The following PCBP3 variants were observed in gnomAD, a reference collection of about 807,000 sequenced individuals.
PCBP3 encodes poly(rC) binding protein 3, also known as poly(rC)-binding protein 3.
PCBP3 carries 25 observed loss-of-function variants against 52.7 expected under a neutral mutation model. That is an observed-to-expected ratio of 0.47 (90% CI 0.35 to 0.66). PCBP3 has a LOEUF of 0.66. Ranked by LOEUF, PCBP3 falls within the 30% of genes least tolerant of loss-of-function variation. PCBP3 has a pLI of 0.01. For synonymous variants in PCBP3, 162 were observed against 183.0 expected (o/e 0.89, Z 0.93); for missense variants, 391 against 490.3 (o/e 0.80, Z 1.91).
At chr21:45,695,301 G>A (rs917645426) in intron 2 of PCBP3, among the ~76,000 whole-genome samples, 1 of 152,186 alleles carries the variant, frequency 6.6e-6, no homozygotes, top group East Asian at 1.9e-4. Flanking sequence ...GGAGGGACAC[G>A]GGTAGAGGAA....
intron 4 of PCBP3, among the ~76,000 whole-genome samples, chr21:45,815,009 G>T: frequency 7.8e-6 from 1 of 128,778 alleles, no homozygotes. Context: ...AGTGAGTGGT[G>T]AGTGATGAGT....
intron 4 of PCBP3, among the ~76,000 whole-genome samples, chr21:45,784,936 G>A (rs2090989950): frequency 1.3e-5 from 2 of 151,954 alleles, no homozygotes; most frequent in South Asian, 4.2e-4. Flanking sequence ...TCTGGGATGT[G>A]AGGAGCCCCT....
rs7281436 is a variant in PCBP3, at chr21:45,827,526, C to T, written c.-125-22435C>T. Among the ~76,000 whole-genome samples, 404 of 145,428 alleles carry T rather than the reference C, an allele frequency of 2.8e-3. 3 individuals are homozygous for T. The highest frequency in any genetic ancestry group is 9.2e-3 in the African/African-American group (363 of 39,252). ...ACATCATAAAGATGCTTCAGTGAGCCGTCACCAGCTCTACACAGTGAGGAA... is the reference window on the plus strand; with the variant it reads ...ACATCATAAAGATGCTTCAGTGAGCTGTCACCAGCTCTACACAGTGAGGAA... On this transcript the variant is annotated intron_variant, in intron 4 of 17. Transcript: ENST00000681687. The surrounding 1 kb of genome is among the most constrained non-coding windows in gnomAD (Gnocchi z 4.3).
intron 1 of PCBP3, among the ~76,000 whole-genome samples, chr21:45,644,881 G>C (rs2079154681): frequency 6.6e-6 from 1 of 152,116 alleles, no homozygotes. Context: ...CACTTTCAGG[G>C]GCAAACTGTT....
In PCBP3 at chr21:45,940,115, C is replaced by A. The variant is rs781452050; in HGVS notation, c.995C>A (p.Ala332Asp). The change falls in exon 17 of 18, where the codon GCC (alanine) becomes GAC (aspartate). Residue 332 changes from alanine to aspartate, a missense_variant. By Grantham distance (126) the Ala-to-Asp change is moderately radical. Transcript: ENST00000681687. ...GGAGCTCAGATCAAAATCGCCAACGCCACGGAAGGGTCCTCAGAGCGTCAG... is the reference window on the plus strand; with the variant it reads ...GGAGCTCAGATCAAAATCGCCAACGACACGGAAGGGTCCTCAGAGCGTCAG... ...MSGAQIKIAN[A>D]TEGSSERQIT... 1 of 1,614,146 alleles carries A rather than the reference C, an allele frequency of 6.2e-7. No individual in the cohort carries two copies. The highest frequency in any genetic ancestry group is 1.7e-5 in the Admixed American group (1 of 60,024).
At chr21:45,795,497 G>T (rs887542170) in intron 4 of PCBP3, among the ~76,000 whole-genome samples, 2 of 152,076 alleles carry the variant, frequency 1.3e-5, no homozygotes, top group Non-Finnish European at 2.9e-5. Context: ...TAACCCAGGC[G>T]TCATTATATA....
At chr21:45,921,976 A>C (rs987793818) in intron 13 of PCBP3, among the ~76,000 whole-genome samples, 1 of 152,204 alleles carries the variant, frequency 6.6e-6, no homozygotes, top group Non-Finnish European at 1.5e-5. Context: ...GACAGGGTGA[A>C]GGACTTAGGA....
intron 5 of PCBP3, among the ~76,000 whole-genome samples, chr21:45,856,341 TAGTAACTTAACTCATTCAACCA>T (rs2094294122): frequency 6.6e-6 from 1 of 152,230 alleles, no homozygotes; most frequent in Admixed American, 6.5e-5. Context: ...GGCCTTCAGA[TAGTAACTTAACTCATTCAACCA>T]AGTACCCATC....
chr21:45,658,984 C>T (rs558788458), intron 1 of PCBP3, among the ~76,000 whole-genome samples: 2 of 150,040 alleles, frequency 1.3e-5, no homozygotes, highest in African/African-American at 4.9e-5. Flanking sequence ...CCTTTTATTT[C>T]TGTAAGGTTG....
rs2093614957 is a variant in PCBP3 at position 45,837,465 on chromosome 21, G to A, written c.-125-12496G>A. ...TGGCGCTGTGAGAACAGGCCACGGC[G>A]CCCTAGCTTCAGGTTATAGGGCATG... On this transcript the variant is annotated intron_variant, in intron 4 of 17. Transcript: ENST00000681687. This position sits in a 1 kb window ranked among gnomAD's most constrained non-coding sequence, Gnocchi z 4.1. Among the ~76,000 whole-genome samples, 1 of 152,186 alleles carries A rather than the reference G, an allele frequency of 6.6e-6. No homozygotes were observed. The highest frequency in any genetic ancestry group is 1.5e-5 in the Non-Finnish European group (1 of 68,040).
At chr21:45,838,410 A>G (rs1204171592) in intron 4 of PCBP3, among the ~76,000 whole-genome samples, 1 of 152,168 alleles carries the variant, frequency 6.6e-6, no homozygotes, top group African/African-American at 2.4e-5. Flanking sequence ...AATAATAATA[A>G]TAATAATACT....
At chr21:45,784,844 C>G (rs558348172) in intron 4 of PCBP3, among the ~76,000 whole-genome samples, 122 of 152,320 alleles carry the variant, frequency 8.0e-4, no homozygotes, top group African/African-American at 2.9e-3. Flanking sequence ...GCCTTGGCCT[C>G]CCAAAGTGCC....
intron 3 of PCBP3, among the ~76,000 whole-genome samples, chr21:45,749,002 C>G (rs1016661047): frequency 6.6e-6 from 1 of 152,190 alleles, no homozygotes; most frequent in Non-Finnish European, 1.5e-5. Context: ...ACAAAGAGGG[C>G]AAGAACCACC....
chr21:45,878,296 T>C (rs1044189370), intron 5 of PCBP3, among the ~76,000 whole-genome samples: 4 of 151,906 alleles, frequency 2.6e-5, no homozygotes, highest in African/African-American at 9.7e-5. Context: ...GGTGGGGGGG[T>C]CCTCCCGGGG....
chr21:45,708,677 A>G (rs2083616613), intron 2 of PCBP3, among the ~76,000 whole-genome samples: 1 of 152,212 alleles, frequency 6.6e-6, no homozygotes, highest in Non-Finnish European at 1.5e-5. Context: ...AGTTAATACA[A>G]TGAGGGGTTA....
rs80112254 is a variant in PCBP3, at chr21:45,784,574, C to A, written c.-126+29122C>A. On this transcript the variant is annotated intron_variant, in intron 4 of 17. Transcript: ENST00000681687. The stretch of plus-strand genomic sequence containing the variant: ...GCAACCTCCCTGCCTGATTCTCCTG[C>A]CTCAGCCTGCCGAGTGCCTGCAATT... Among the ~76,000 whole-genome samples, 5 of 152,316 alleles carry A rather than the reference C, an allele frequency of 3.3e-5. No individual in the cohort carries two copies. The East Asian group carries it at 9.7e-4, about 29-fold the overall frequency.
chr21:45,907,935 C>T (rs188042207), intron 9 of PCBP3, among the ~76,000 whole-genome samples: 13 of 152,050 alleles, frequency 8.5e-5, no homozygotes, highest in Admixed American at 5.9e-4. Context: ...TTGTTGCCGA[C>T]GTCTGCCAGG....
At chr21:45,646,107 C>CTCTCTCTCTCTCTG (rs1555895746) in intron 1 of PCBP3, among the ~76,000 whole-genome samples, 2 of 83,782 alleles carry the variant, frequency 2.4e-5, no homozygotes, top group Non-Finnish European at 2.3e-5. Flanking sequence ...CTCTCTCTCT[C>CTCTCTCTCTCTCTG]TGTGTGTGTG....
intron 9 of PCBP3, among the ~76,000 whole-genome samples, chr21:45,905,722 C>G (rs1041319467): frequency 6.6e-6 from 1 of 152,202 alleles, no homozygotes; most frequent in East Asian, 1.9e-4. Context: ...TCCTTGTCTC[C>G]TCTTACAAGG....
Sources: allele counts gnomAD v4.1 joint callset (sites outside exome capture counted in the v4.1 genomes callset), GRCh38; gene constraint gnomAD v4.1.1; non-coding constraint Gnocchi (gnomAD v3.1); transcripts MANE v1.5; gene names NCBI Gene and HGNC (gene_info 2026-07-23, HGNC 2026-07-21).